Variants in ADGRL2 observed in about 807,000 individuals in gnomAD.
ADGRL2 encodes the protein calcium-independent alpha-latrotoxin receptor 2.
In ADGRL2, 44 loss-of-function variants were observed where a neutral mutation model predicts 157.4. That is an observed-to-expected ratio of 0.28 (90% CI 0.22 to 0.36). ADGRL2 has a LOEUF of 0.36. Among genes scored for constraint, ADGRL2 ranks in the 10% least tolerant of loss-of-function variants. The pLI, the probability that ADGRL2 is intolerant of heterozygous loss-of-function variation, is 1.00. For synonymous variants in ADGRL2, 585 were observed against 624.7 expected, an observed-to-expected ratio of 0.94 and a Z score of 0.95; for missense variants, 1,510 against 1,768.9, an observed-to-expected ratio of 0.85 and a Z score of 2.63.
At chr1:81,637,971 T>A (rs2082146689) in intron 3 of ADGRL2, among the ~76,000 whole-genome samples, 1 of 152,038 alleles carries the variant, frequency 6.6e-6, no homozygotes, top group African/African-American at 2.4e-5. Context: ...TTTGTTGAAT[T>A]TGAATTGGGA....
intron 2 of ADGRL2, among the ~76,000 whole-genome samples, chr1:81,511,441 A>T (rs75512254): frequency 0.037 from 5,622 of 150,832 alleles, 159 homozygotes; most frequent in Non-Finnish European, 0.053. Context: ...CACATACAAG[A>T]AAACACCAAC....
At chr1:81,707,136 C>T (rs937159076) in intron 1 of ADGRL2, among the ~76,000 whole-genome samples, 1 of 152,040 alleles carries the variant, frequency 6.6e-6, no homozygotes, top group African/African-American at 2.4e-5. Flanking sequence ...CTGTTACTTC[C>T]CATCCTCAAG....
chr1:81,339,707 A>G (rs1360877079), intron 1 of ADGRL2, among the ~76,000 whole-genome samples: 3 of 152,026 alleles, frequency 2.0e-5, no homozygotes, highest in Admixed American at 2.0e-4. Context: ...ATTAGCTCCC[A>G]CCTGTTATAC....
intron 1 of ADGRL2, among the ~76,000 whole-genome samples, chr1:81,747,110 T>TATACATATATAC (rs2085304807): frequency 6.9e-6 from 1 of 145,082 alleles, no homozygotes; most frequent in Non-Finnish European, 1.5e-5. Flanking sequence ...TACATATATG[T>TATACATATATAC]GTATATATGT....
intron 1 of ADGRL2, among the ~76,000 whole-genome samples, chr1:81,343,419 TATTTATA>T (rs1243546355): frequency 1.3e-5 from 2 of 152,330 alleles, no homozygotes; most frequent in Non-Finnish European, 2.9e-5. Context: ...TAAATTGTTA[TATTTATA>T]ATTGTGTGTA....
At chr1:81,970,942 G>C (rs1378758671) in intron 16 of ADGRL2, among the ~76,000 whole-genome samples, 1 of 152,078 alleles carries the variant, frequency 6.6e-6, no homozygotes, top group Non-Finnish European at 1.5e-5. Context: ...ATTCTGAATT[G>C]TGACAGTAGC....
chr1:81,632,808 T>G (rs1490761301), intron 3 of ADGRL2, among the ~76,000 whole-genome samples: 2 of 150,294 alleles, frequency 1.3e-5, no homozygotes, highest in Admixed American at 6.6e-5. Flanking sequence ...AGGGGCTATG[T>G]TAGGAGGTGA....
intron 3 of ADGRL2, among the ~76,000 whole-genome samples, chr1:81,612,431 C>T (rs913307374): frequency 6.6e-5 from 10 of 151,898 alleles, no homozygotes; most frequent in Admixed American, 2.0e-4. Flanking sequence ...TAAGAGGTGC[C>T]GACAAAAGTA....
At chr1:81,639,587 C>A (rs2082179770) in intron 3 of ADGRL2, among the ~76,000 whole-genome samples, 2 of 128,240 alleles carry the variant, frequency 1.6e-5, no homozygotes, top group Admixed American at 1.5e-4. Flanking sequence ...ATGACACTAA[C>A]ATTAATCAAA....
intron 17 of ADGRL2, among the ~76,000 whole-genome samples, chr1:81,976,525 CA>C (rs1660228467): frequency 1.3e-5 from 2 of 151,878 alleles, no homozygotes; most frequent in African/African-American, 4.8e-5. Flanking sequence ...ATTATTTTTC[CA>C]ATACTTTTAG....
intron 1 of ADGRL2, among the ~76,000 whole-genome samples, chr1:81,375,833 G>T (rs971090651): frequency 2.0e-5 from 3 of 151,806 alleles, no homozygotes; most frequent in African/African-American, 7.3e-5. Flanking sequence ...TTCAGCTATG[G>T]TTCATCGCTT....
At chr1:81,448,725 G>A (rs2077649443) in intron 2 of ADGRL2, among the ~76,000 whole-genome samples, 1 of 151,390 alleles carries the variant, frequency 6.6e-6, no homozygotes, top group Admixed American at 6.6e-5. Context: ...ACAATGAAAG[G>A]GTTATTTTAA....
At chr1:81,606,206 G>T (rs553746468) in intron 3 of ADGRL2, among the ~76,000 whole-genome samples, 1 of 152,104 alleles carries the variant, frequency 6.6e-6, no homozygotes, top group Non-Finnish European at 1.5e-5. Flanking sequence ...AGCATTCTGA[G>T]ACTTGACTTT....
At chr1:81,848,682 AC>A (rs1169914400) in intron 2 of ADGRL2, among the ~76,000 whole-genome samples, 1 of 151,972 alleles carries the variant, frequency 6.6e-6, no homozygotes, top group Non-Finnish European at 1.5e-5. Context: ...TATGTAGAGT[AC>A]AGGAGGACCA....
chr1:81,708,071 C>G (rs2083798672), intron 1 of ADGRL2, among the ~76,000 whole-genome samples: 1 of 152,108 alleles, frequency 6.6e-6, no homozygotes, highest in East Asian at 1.9e-4. Context: ...ATCTCTGCCA[C>G]TTACCTAATT....
intron 3 of ADGRL2, among the ~76,000 whole-genome samples, chr1:81,642,566 A>G (rs1210101167): frequency 6.6e-6 from 1 of 152,172 alleles, no homozygotes; most frequent in East Asian, 1.9e-4. Flanking sequence ...AACTGAAAGC[A>G]CCAGGCTCAG....
chr1:81,822,979 A>C (rs2091133352), intron 1 of ADGRL2, among the ~76,000 whole-genome samples: 1 of 147,164 alleles, frequency 6.8e-6, no homozygotes, highest in South Asian at 2.1e-4. Flanking sequence ...ACAATGATAA[A>C]TTAAAACTTC....
chr1:81,895,393 C>CTTTTTTTTTTTTTTTTTTTTTTTTTTT (rs34557038), intron 2 of ADGRL2, among the ~76,000 whole-genome samples: 1 of 97,572 alleles, frequency 1.0e-5, no homozygotes. Context: ...TTAAATGTAT[C>CTTTTTTTTTTTTTTTTTTTTTTTTTTT]TTTTTTTTTT....
chr1:81,615,311 A>C (rs952502303), intron 3 of ADGRL2, among the ~76,000 whole-genome samples: 12 of 152,328 alleles, frequency 7.9e-5, no homozygotes, highest in South Asian at 2.1e-4. Flanking sequence ...TCAGGGAATC[A>C]AAGCAGGCCA....
Sources: allele counts gnomAD v4.1 joint callset (sites outside exome capture counted in the v4.1 genomes callset), GRCh38; gene constraint gnomAD v4.1.1; transcripts MANE v1.5; gene names NCBI Gene and HGNC (gene_info 2026-07-23, HGNC 2026-07-21).